MINDY4B: variants seen among roughly 807,000 people sequenced by gnomAD.
MINDY4B encodes MINDY family member 4B, also known as inactive ubiquitin carboxyl-terminal hydrolase MINDY-4B.
In MINDY4B, 25 loss-of-function variants were observed where a neutral mutation model predicts 16.7. The ratio of observed to expected loss-of-function variants is 1.49; its 90% confidence interval spans 1.09 to 2.09. MINDY4B has a LOEUF of 2.09. Among genes scored for constraint, MINDY4B ranks in the 30% most tolerant of loss-of-function variants. The probability of loss-of-function intolerance (pLI) is 0.00; values close to 1 mark genes in which losing one functional copy is unlikely to be tolerated. For missense variants in MINDY4B, 327 were observed against 168.4 expected (o/e 1.94, Z -5.21); for synonymous variants, 132 against 61.9 (o/e 2.13, Z -5.32).
chr3:150,871,407 AGTATGT>A (rs1716964567), intron 11 of MINDY4B, among the ~76,000 whole-genome samples: 1 of 152,174 alleles, frequency 6.6e-6, no homozygotes, highest in South Asian at 2.1e-4. Flanking sequence ...ATTAGGACGT[AGTATGT>A]GTGTTGAAAC....
chr3:150,876,296 G>C (rs1024363921), intron 10 of MINDY4B, among the ~76,000 whole-genome samples: 19 of 152,176 alleles, frequency 1.2e-4, no homozygotes, highest in African/African-American at 4.1e-4. Context: ...TGCAAGAATT[G>C]AGTCCATGTA....
chr3:150,877,627 A>G (rs1183268764), intron 10 of MINDY4B, among the ~76,000 whole-genome samples: 1 of 152,132 alleles, frequency 6.6e-6, no homozygotes, highest in Non-Finnish European at 1.5e-5. Flanking sequence ...CATACACCCG[A>G]CAAGTGTGAT....
intron 10 of MINDY4B, among the ~76,000 whole-genome samples, chr3:150,878,199 A>G (rs1286662553): frequency 6.6e-6 from 1 of 152,264 alleles, no homozygotes; most frequent in Non-Finnish European, 1.5e-5. Context: ...TATTAGCACA[A>G]TGAATAAATA....
In MINDY4B at chr3:150,873,867, G is replaced by A. The variant is rs1717026360; in HGVS notation, c.1060-500C>T. On this transcript the variant is annotated intron_variant, in intron 10 of 11. Coordinates refer to ENST00000465419, the MANE Select transcript of MINDY4B (RefSeq NM_001351281.2). ...TTTAAGATATATAAAATAGCTTCTG[G>A]AAAATGAGGGAAACACATACACACA... Among the ~76,000 whole-genome samples the A allele has an allele frequency of 2.0e-5, 3 of 152,020 alleles. No homozygotes were observed. The South Asian group carries it at 6.2e-4, about 32-fold the overall frequency.
At chr3:150,874,882 TGTAA>T (rs1437131234) in intron 10 of MINDY4B, among the ~76,000 whole-genome samples, 2 of 152,232 alleles carry the variant, frequency 1.3e-5, no homozygotes, top group Non-Finnish European at 2.9e-5. Flanking sequence ...TGCTTTTGTC[TGTAA>T]GTGTTTCACT....
In MINDY4B at chr3:150,890,526, T is replaced by C. The variant is rs1711770769; in HGVS notation, c.688-141A>G. On this transcript the variant is annotated intron_variant, in intron 6 of 11. Transcript: ENST00000465419. The stretch of plus-strand genomic sequence containing the variant: ...TACTAAAAACTGACATACTATCTTA[T>C]GCAAGGCCATGCAAAACATAAACAG... 4 of 492,496 alleles carry C rather than the reference T, an allele frequency of 8.1e-6. No homozygotes were observed. The South Asian group carries it at 1.5e-4, about 18-fold the overall frequency. The allele number at this position is 492,496 out of a possible 1,614,324, so 30.5% of individuals were successfully genotyped here. A position where few individuals can be genotyped will look rare whatever the true frequency, so the allele number is the denominator to read the frequency against.
In MINDY4B at chr3:150,873,265, A is replaced by G. The variant is rs1473444107; in HGVS notation, c.1162T>C (p.Trp388Arg). Residue 388 changes from tryptophan (W) to arginine (R), a missense_variant, in exon 11 of 12, where the codon TGG becomes CGG. Transcript: ENST00000465419. ...AGATCAAAGAGACGTTCCATTTTCCAGTCTGATAAGAGCTGCCTGTTTGTG... is the reference window on the plus strand; with the variant it reads ...AGATCAAAGAGACGTTCCATTTTCCGGTCTGATAAGAGCTGCCTGTTTGTG... ...FCTNRQLLSDWKMERLFDLYF... is the reference protein window; with the variant it reads ...FCTNRQLLSDRKMERLFDLYF... 2.8e-6 allele frequency: 2 copies of G among 703,024 alleles called. No individual in the cohort carries two copies. Among genetic ancestry groups the G allele is most frequent in the Admixed American group, 2.0e-5 (1 of 49,992 alleles). 43.5% of individuals were successfully genotyped at this position (703,024 alleles called of 1,614,324 possible). A position where few individuals can be genotyped will look rare whatever the true frequency, so the allele number is the denominator to read the frequency against.
At chr3:150,877,489 C>T (rs964973456) in intron 10 of MINDY4B, among the ~76,000 whole-genome samples, 1 of 152,162 alleles carries the variant, frequency 6.6e-6, no homozygotes, top group African/African-American at 2.4e-5. Context: ...TTCTGTTCTG[C>T]ACTGTGTTTC....
rs1313378670 is a variant in MINDY4B, at chr3:150,882,836, CTT to C, written c.1059+59_1059+60del. On this transcript the variant is annotated intron_variant, in intron 10 of 11. Coordinates refer to ENST00000465419, the MANE Select transcript of MINDY4B (RefSeq NM_001351281.2). Reference sequence around the variant, plus strand: ...GGTTTGAATTGCCTAAATAGACAGACTTTTAAACTGTTAAAATATTGACATTC... The same window carrying C: ...GGTTTGAATTGCCTAAATAGACAGACTTAAACTGTTAAAATATTGACATTC... 25 of 637,138 alleles carry C rather than the reference CTT, an allele frequency of 3.9e-5. No homozygotes were observed. The South Asian group carries it at 4.1e-4, about 10-fold the overall frequency. The allele number at this position is 637,138 out of a possible 1,614,324, so 39.5% of individuals were successfully genotyped here. A position where few individuals can be genotyped will look rare whatever the true frequency, so the allele number is the denominator to read the frequency against.
rs575331408 is a variant in MINDY4B, at chr3:150,871,584, C to T, written c.1241-397G>A. The stretch of plus-strand genomic sequence containing the variant: ...AAAAAAGAGGCCAGGCATGGTGGCT[C>T]ACGCCTATGGTCCCAGTACTTTGGG... On this transcript the variant is annotated intron_variant, in intron 11 of 11. Coordinates refer to ENST00000465419, the MANE Select transcript of MINDY4B (RefSeq NM_001351281.2). 4.6e-5 allele frequency among the ~76,000 whole-genome samples: 7 copies of T among 151,632 alleles called. No homozygotes were observed. In the East Asian group the frequency reaches 9.7e-4, roughly 21 times the overall value.
At chr3:150,878,468 T>G (rs1711500304) in intron 10 of MINDY4B, among the ~76,000 whole-genome samples, 1 of 152,134 alleles carries the variant, frequency 6.6e-6, no homozygotes, top group South Asian at 2.1e-4. Flanking sequence ...AGAGACAACA[T>G]AATAAACATC....
At chr3:150,899,584 C>T (rs1363374617) in intron 3 of MINDY4B, among the ~76,000 whole-genome samples, 1 of 152,160 alleles carries the variant, frequency 6.6e-6, no homozygotes, top group African/African-American at 2.4e-5. Context: ...TCCCTCCCTT[C>T]AGTTTCCTTT....
intron 8 of MINDY4B, among the ~76,000 whole-genome samples, chr3:150,884,140 A>G (rs1365788481): frequency 6.6e-6 from 1 of 152,230 alleles, no homozygotes; most frequent in African/African-American, 2.4e-5. Context: ...GGTTCAAGGC[A>G]GATCTCAACA....
At chr3:150,903,963 C>T (rs529956402) in intron 2 of MINDY4B, among the ~76,000 whole-genome samples, 28 of 152,320 alleles carry the variant, frequency 1.8e-4, no homozygotes, top group African/African-American at 6.5e-4. Context: ...TGACATGTCA[C>T]TGTAAGTTAG....
rs145733243 is a variant in MINDY4B at position 150,890,868 on chromosome 3, A to G, written c.687+70T>C. The G allele has an allele frequency of 3.7e-4, 251 of 677,806 alleles. 2 individuals are homozygous for G. In the East Asian group the frequency reaches 4.9e-3, roughly 13 times the overall value. 42.0% of individuals were successfully genotyped at this position (677,806 alleles called of 1,614,324 possible). On this transcript the variant is annotated intron_variant, in intron 6 of 11. Coordinates refer to ENST00000465419, the MANE Select transcript of MINDY4B (RefSeq NM_001351281.2). ...TGGATGGGGCCCCACCTGCATACACATGGTAAGTCTATTACATGCTCAGGC... is the reference window on the plus strand; with the variant it reads ...TGGATGGGGCCCCACCTGCATACACGTGGTAAGTCTATTACATGCTCAGGC...
chr3:150,873,196 G>C lies in MINDY4B; in HGVS notation c.1231C>G (p.Leu411Val), dbSNP rs1369491148. 2 of 702,708 alleles carry C rather than the reference G, an allele frequency of 2.8e-6. No homozygotes were observed. Among genetic ancestry groups the C allele is most frequent in the African/African-American group, 3.5e-5 (2 of 57,178 alleles). 43.5% of individuals were successfully genotyped at this position (702,708 alleles called of 1,614,324 possible). A position where few individuals can be genotyped will look rare whatever the true frequency, so the allele number is the denominator to read the frequency against. The change falls in exon 11 of 12, where the codon CTT becomes GTT. Residue 411 changes from leucine to valine, a missense_variant. Coordinates refer to ENST00000465419, the MANE Select transcript of MINDY4B (RefSeq NM_001351281.2). ...GQPSQKKLVR[L>V]TIDTHSHHWE... The stretch of plus-strand genomic sequence containing the variant: ...AGTCTGAAATGCTCACCTATTGTAA[G>C]ACGCACAAGCTTTTTCTGTGAGGGT...
intron 4 of MINDY4B, among the ~76,000 whole-genome samples, chr3:150,893,957 C>T (rs2107907209): frequency 6.6e-6 from 1 of 152,306 alleles, no homozygotes; most frequent in East Asian, 1.9e-4. Context: ...TCCCAAACAG[C>T]TGGGATTACA....
intron 3 of MINDY4B, among the ~76,000 whole-genome samples, chr3:150,894,573 T>C (rs568565106): frequency 3.3e-4 from 50 of 152,314 alleles, no homozygotes; most frequent in Admixed American, 7.2e-4. Flanking sequence ...TCTTGCCCCA[T>C]ACCCATGACT....
At position 150,871,164 on chromosome 3, in the gene MINDY4B, T is replaced by C. The variant is rs1716957329; in HGVS notation, c.1264A>G (p.Arg422Gly). 5.7e-6 allele frequency: 4 copies of C among 702,680 alleles called. No homozygotes were observed. The highest frequency in any genetic ancestry group is 1.0e-5 in the Non-Finnish European group (4 of 384,836). The allele number at this position is 702,680 out of a possible 1,614,324, so 43.5% of individuals were successfully genotyped here. A position where few individuals can be genotyped will look rare whatever the true frequency, so the allele number is the denominator to read the frequency against. ...TIDTHSHHWE[R>G]DQQEEKHGPR... Reference sequence around the variant, plus strand: ...CCATGTTTCTCTTCCTGTTGGTCTCTTTCCCAGTGATGGGAGTGAGTATCT... The same window carrying C: ...CCATGTTTCTCTTCCTGTTGGTCTCCTTCCCAGTGATGGGAGTGAGTATCT... The change falls in exon 12 of 12, where the codon AGA (arginine) becomes GGA (glycine). Residue 422 changes from arginine to glycine, a missense_variant. Physicochemically the swap from Arg to Gly is moderately radical, Grantham distance 125 (BLOSUM62 -2). Transcript: ENST00000465419.
Sources: gnomAD v4.1 joint callset for allele counts (sites outside exome capture counted in the v4.1 genomes callset) on GRCh38, gnomAD v4.1.1 for gene constraint, MANE v1.5 for transcripts, NCBI Gene and HGNC (gene_info 2026-07-23, HGNC 2026-07-21) for gene names.